Variants in HIVEP3 observed in about 807,000 individuals in gnomAD.
HIVEP3 encodes the protein HIVEP zinc finger 3.
In HIVEP3, 49 loss-of-function variants were observed where a neutral mutation model predicts 152.8. The observed-to-expected ratio is 0.32, with a 90% CI of 0.26 to 0.41. HIVEP3 has a LOEUF of 0.41. HIVEP3 is among the 10% of genes least tolerant of loss of function. The pLI is 1.00. For missense variants in HIVEP3, 2,790 were observed against 3,103.3 expected, an observed-to-expected ratio of 0.90 and a Z score of 2.40; for synonymous variants, 1,269 against 1,289.0, an observed-to-expected ratio of 0.98 and a Z score of 0.33.
chr1:41,951,625 T>C (rs1227125167), intron 1 of HIVEP3, among the ~76,000 whole-genome samples: 7 of 151,974 alleles, frequency 4.6e-5, no homozygotes, highest in Non-Finnish European at 1.0e-4. Flanking sequence ...AAGAAAAGAG[T>C]TTCAATTGAC....
intron 1 of HIVEP3, among the ~76,000 whole-genome samples, chr1:41,861,243 T>C (rs1643884562): frequency 6.6e-6 from 1 of 152,228 alleles, no homozygotes; most frequent in African/African-American, 2.4e-5. Context: ...ATAAGTCCAC[T>C]TTAATTCCTC....
chr1:41,980,701 A>C (rs1645289192), intron 1 of HIVEP3, among the ~76,000 whole-genome samples: 2 of 152,168 alleles, frequency 1.3e-5, no homozygotes, highest in South Asian at 2.1e-4. Flanking sequence ...TACTTCAATA[A>C]AGTTGTTATT....
At chr1:41,522,206 C>A (rs535684405) in intron 6 of HIVEP3, among the ~76,000 whole-genome samples, 6 of 152,180 alleles carry the variant, frequency 3.9e-5, no homozygotes, top group Admixed American at 1.3e-4. Flanking sequence ...TGATGGCTGA[C>A]GGGGCCCAGC....
intron 5 of HIVEP3, among the ~76,000 whole-genome samples, chr1:41,561,881 A>G (rs950442657): frequency 1.5e-4 from 23 of 152,090 alleles, no homozygotes; most frequent in African/African-American, 5.6e-4. Context: ...TCTCTCTTCT[A>G]TGATGTGCCG....
At chr1:41,874,455 G>A (rs1001346302) in intron 1 of HIVEP3, among the ~76,000 whole-genome samples, 7 of 152,132 alleles carry the variant, frequency 4.6e-5, no homozygotes, top group African/African-American at 1.7e-4. Context: ...ACCACCTGGG[G>A]CTTCAGAGAC....
At chr1:41,920,788 C>T (rs1644937103), upstream of HIVEP3, among the ~76,000 whole-genome samples, 2 of 152,124 alleles carry the variant, frequency 1.3e-5, no homozygotes, top group African/African-American at 4.8e-5. Context: ...TATCATGATG[C>T]CACACAACTT....
At chr1:41,821,904 C>A (rs906483872) in intron 1 of HIVEP3, among the ~76,000 whole-genome samples, 6 of 152,316 alleles carry the variant, frequency 3.9e-5, no homozygotes, top group Admixed American at 6.5e-5. Flanking sequence ...AGGTATACAT[C>A]CAGCCTACGT....
chr1:41,972,167 C>T (rs1252831234), intron 1 of HIVEP3, among the ~76,000 whole-genome samples: 1 of 152,238 alleles, frequency 6.6e-6, no homozygotes, highest in Non-Finnish European at 1.5e-5. Flanking sequence ...CACCACTCCT[C>T]CACCTTGCAA....
At chr1:41,731,884 G>A (rs1646844679) in intron 1 of HIVEP3, among the ~76,000 whole-genome samples, 1 of 152,168 alleles carries the variant, frequency 6.6e-6, no homozygotes, top group South Asian at 2.1e-4. Context: ...CAAAGTATGG[G>A]GTAATTTACC....
chr1:41,748,631 T>G (rs1254636378), intron 1 of HIVEP3, among the ~76,000 whole-genome samples: 5 of 152,248 alleles, frequency 3.3e-5, no homozygotes, highest in Non-Finnish European at 7.3e-5. Flanking sequence ...CTAATCTTCA[T>G]GCTAGCTCTA....
chr1:41,669,790 T>C (rs1157598573), intron 2 of HIVEP3, among the ~76,000 whole-genome samples: 8 of 152,228 alleles, frequency 5.3e-5, no homozygotes, highest in Non-Finnish European at 1.0e-4. Context: ...CAGCAGATCA[T>C]AGGACTTCTC....
chr1:41,545,508 ATCG>A (rs1643752412), intron 5 of HIVEP3, among the ~76,000 whole-genome samples: 2 of 136,618 alleles, frequency 1.5e-5, no homozygotes, highest in Non-Finnish European at 3.2e-5. Flanking sequence ...CACTACCACC[ATCG>A]CTACCATCAC....
intron 5 of HIVEP3, among the ~76,000 whole-genome samples, chr1:41,569,019 C>A (rs564776431): frequency 1.3e-5 from 2 of 152,158 alleles, no homozygotes; most frequent in East Asian, 3.9e-4. Context: ...ACATCCCTCC[C>A]GCTCTTGCTC....
chr1:41,525,039 CA>C (rs1642860743), intron 5 of HIVEP3, 129 bp from the exon 6 acceptor site: 1 of 836,578 alleles, frequency 1.2e-6, no homozygotes, highest in Admixed American at 2.6e-5. Flanking sequence ...GCCACGGAAC[CA>C]GAGAGGACCA....
chr1:41,816,202 T>A (rs393441), intron 1 of HIVEP3, among the ~76,000 whole-genome samples: 117,461 of 152,126 alleles, frequency 0.77, 45,615 homozygotes, highest in East Asian at 1. Context: ...AAAGATAACA[T>A]GGAGAACTGT....
rs182691447 is a variant in HIVEP3, at chr1:41,555,439, C to T, written c.5207+20105G>A. On this transcript the variant is annotated intron_variant, in intron 5 of 8. Coordinates refer to ENST00000372583, the MANE Select transcript of HIVEP3 (RefSeq NM_024503.5). ...GGCTAGGAAAGGGAAATCCCCTGAC[C>T]CCTTGCACTTCCCGGGTGAGGCGAT... Among the ~76,000 whole-genome samples, 3 of 152,310 alleles carry T rather than the reference C, an allele frequency of 2.0e-5. No homozygotes were observed. In the East Asian group the frequency reaches 5.8e-4, roughly 29 times the overall value.
intron 1 of HIVEP3, among the ~76,000 whole-genome samples, chr1:41,741,843 A>G (rs1570439378): frequency 1.3e-5 from 2 of 152,374 alleles, no homozygotes; most frequent in African/African-American, 2.4e-5. Flanking sequence ...TTTGAAAACT[A>G]GAAGCCATCC....
At chr1:41,902,261 C>T (rs1644638074) in intron 1 of HIVEP3, among the ~76,000 whole-genome samples, 1 of 152,196 alleles carries the variant, frequency 6.6e-6, no homozygotes, top group East Asian at 1.9e-4. Context: ...TCATGTTCCC[C>T]CAAAGGAAAT....
rs145743958 is a variant in HIVEP3 at position 41,730,163 on chromosome 1, G to T, written c.-800-29168C>A. 9.8e-5 allele frequency among the ~76,000 whole-genome samples: 15 copies of T among 152,308 alleles called. No homozygotes were observed. In the East Asian group the frequency reaches 2.7e-3, roughly 27 times the overall value. On this transcript the variant is annotated intron_variant, in intron 1 of 8. Coordinates refer to ENST00000372583, the MANE Select transcript of HIVEP3 (RefSeq NM_024503.5). Reference sequence around the variant, plus strand: ...AGACTAGGCAGGCTCCTCCTGCAAAGGATTCCTCTTTGTCCATTTGAGAGG... The same window carrying T: ...AGACTAGGCAGGCTCCTCCTGCAAATGATTCCTCTTTGTCCATTTGAGAGG...
Sources: gnomAD v4.1 joint callset for allele counts (sites outside exome capture counted in the v4.1 genomes callset) on GRCh38, gnomAD v4.1.1 for gene constraint, MANE v1.5 for transcripts, NCBI Gene and HGNC (gene_info 2026-07-23, HGNC 2026-07-21) for gene names.